Variants in TADA2A observed in about 807,000 individuals in gnomAD.
The protein encoded by TADA2A is transcriptional adaptor 2A.
TADA2A carries 38 observed loss-of-function variants against 67.4 expected under a neutral mutation model. That is an observed-to-expected ratio of 0.56 (90% CI 0.44 to 0.74). TADA2A has a LOEUF of 0.74. TADA2A is among the 30% of genes least tolerant of loss of function. TADA2A has a pLI of 0.00. For missense variants in TADA2A, 454 were observed against 547.0 expected (o/e 0.83, Z 1.70); for synonymous variants, 192 against 181.6 (o/e 1.06, Z -0.46).
intron 2 of TADA2A, among the ~76,000 whole-genome samples, chr17:37,418,292 A>G (rs952899740): frequency 2.6e-5 from 4 of 152,326 alleles, no homozygotes; most frequent in Admixed American, 2.6e-4. Flanking sequence ...AGGACACACA[A>G]AAAAGTCAAT....
chr17:37,414,421 G>A (rs543128791), intron 2 of TADA2A, among the ~76,000 whole-genome samples: 48 of 151,126 alleles, frequency 3.2e-4, no homozygotes, highest in Non-Finnish European at 5.9e-4. Flanking sequence ...AGTGCATCCT[G>A]TACTCCCCCC....
intron 4 of TADA2A, among the ~76,000 whole-genome samples, chr17:37,435,110 G>A (rs1056151517): frequency 2.6e-5 from 4 of 152,164 alleles, no homozygotes; most frequent in Non-Finnish European, 5.9e-5. Context: ...GCCAGGTGTG[G>A]TGGCACATGC....
chr17:37,467,225 C>A (rs915885874), intron 11 of TADA2A, among the ~76,000 whole-genome samples: 1 of 152,170 alleles, frequency 6.6e-6, no homozygotes, highest in African/African-American at 2.4e-5. Flanking sequence ...TTCTAGAAGA[C>A]AGTTCCAGCT....
rs1359092856 is a variant in TADA2A at position 37,423,622 on chromosome 17, C to T, written c.132+7C>T. 4 of 1,600,872 alleles carry T rather than the reference C, an allele frequency of 2.5e-6. No homozygotes were observed. Among genetic ancestry groups the T allele is most frequent in the Admixed American group, 1.7e-5 (1 of 57,476 alleles). On this transcript the variant is annotated splice_region_variant and intron_variant, in intron 3 of 15. Coordinates refer to ENST00000615182, the MANE Select transcript of TADA2A (RefSeq NM_001166105.3). ...TTTTTTCCTCTGCTTGCAGGTAACT[C>T]ACTAATGCTGGCTTCTCCTAGCCTA...
At position 37,476,903 on chromosome 17, in the gene TADA2A, C is replaced by G; in HGVS notation, c.1253C>G (p.Ala418Gly). 6.2e-7 allele frequency: 1 copy of G among 1,614,118 alleles called. No individual in the cohort carries two copies. The highest frequency in any genetic ancestry group is 2.2e-5 in the East Asian group (1 of 44,884). Residue 418 changes from alanine to glycine, a missense_variant, in exon 16 of 16, where the codon GCA becomes GGA. Ala to Gly is a moderately conservative substitution (Grantham distance 60). Transcript: ENST00000615182. ...QGGLRLAQAR[A>G]LIKIDVNKTR... ...GGCTTAAGACTGGCGCAGGCAAGAG[C>G]ACTCATCAAGATAGATGTGAACAAA...
rs1260995506 is a variant in TADA2A at position 37,442,195 on chromosome 17, C to T, written c.443-369C>T. Among the ~76,000 whole-genome samples the T allele has an allele frequency of 9.8e-5, 14 of 143,178 alleles. No individual in the cohort carries two copies. The South Asian group carries it at 2.0e-3, about 20-fold the overall frequency. 93.9% of individuals were successfully genotyped at this position (143,178 alleles called of 152,430 possible). On this transcript the variant is annotated intron_variant, in intron 6 of 15. Transcript: ENST00000615182. ...CCAATTCCAGTGTTTGTTTTTTTCC[C>T]GTCTTTTTTTTTTTTTTTTTTTTTT... is the stretch of plus-strand genomic sequence containing the variant.
intron 2 of TADA2A, among the ~76,000 whole-genome samples, chr17:37,418,579 T>C (rs796233923): frequency 3.9e-5 from 6 of 152,180 alleles, no homozygotes; most frequent in African/African-American, 9.6e-5. Context: ...ATGTATGATA[T>C]TCCACTTTTT....
chr17:37,473,311 C>T (rs531771681), intron 14 of TADA2A, among the ~76,000 whole-genome samples: 1 of 151,964 alleles, frequency 6.6e-6, no homozygotes, highest in South Asian at 2.1e-4. Flanking sequence ...GTTAGCCTTT[C>T]TCACCCCTTA....
At chr17:37,456,859 A>G (rs1242370970) in intron 8 of TADA2A, among the ~76,000 whole-genome samples, 3 of 152,058 alleles carry the variant, frequency 2.0e-5, no homozygotes, top group Admixed American at 6.5e-5. Flanking sequence ...GGCTAGGGAA[A>G]GAAAGAACCA....
At chr17:37,411,787 C>T (rs569117029) in intron 2 of TADA2A, among the ~76,000 whole-genome samples, 1 of 151,766 alleles carries the variant, frequency 6.6e-6, no homozygotes, top group South Asian at 2.1e-4. Flanking sequence ...GAAAAATAAA[C>T]GATGAAGTTA....
In TADA2A at chr17:37,433,718, C is replaced by T. The variant is rs188607341; in HGVS notation, c.193-4020C>T. Among the ~76,000 whole-genome samples, 1,079 of 151,786 alleles carry T rather than the reference C, an allele frequency of 7.1e-3. 16 individuals are homozygous for T. Among genetic ancestry groups the T allele is most frequent in the African/African-American group, 0.025 (1,026 of 41,362 alleles). The stretch of plus-strand genomic sequence containing the variant: ...CTGTAATCCCAGCATTTTGGGAGGC[C>T]GAGGTGGGCGGATTACTTGAGGTCG... On this transcript the variant is annotated intron_variant, in intron 4 of 15. Coordinates refer to ENST00000615182, the MANE Select transcript of TADA2A (RefSeq NM_001166105.3).
chr17:37,440,095 G>A (rs1021762281), intron 5 of TADA2A, among the ~76,000 whole-genome samples: 1 of 151,546 alleles, frequency 6.6e-6, no homozygotes, highest in Admixed American at 6.6e-5. Context: ...AGGCATGCAT[G>A]CACCACCACG....
At chr17:37,416,311 C>T (rs573085832) in intron 2 of TADA2A, among the ~76,000 whole-genome samples, 1 of 151,822 alleles carries the variant, frequency 6.6e-6, no homozygotes, top group African/African-American at 2.4e-5. Flanking sequence ...TAGAGATGGG[C>T]TTTCCTTCGT....
chr17:37,408,683 C>G (rs1209776484), intron 1 of TADA2A: 1 of 152,110 alleles, frequency 6.6e-6, no homozygotes, highest in African/African-American at 2.4e-5. Flanking sequence ...TCAAAGAATC[C>G]CCACACCTTG....
intron 5 of TADA2A, among the ~76,000 whole-genome samples, chr17:37,440,095 G>T (rs1021762281): frequency 6.6e-6 from 1 of 151,546 alleles, no homozygotes; most frequent in Non-Finnish European, 1.5e-5. Flanking sequence ...AGGCATGCAT[G>T]CACCACCACG....
At chr17:37,433,901 C>T (rs899089652) in intron 4 of TADA2A, among the ~76,000 whole-genome samples, 13 of 151,796 alleles carry the variant, frequency 8.6e-5, no homozygotes, top group Non-Finnish European at 1.6e-4. Flanking sequence ...TTGCGGTGAG[C>T]CGAGATCATG....
At chr17:37,467,735 A>C (rs1666860494) in intron 12 of TADA2A, among the ~76,000 whole-genome samples, 1 of 152,162 alleles carries the variant, frequency 6.6e-6, no homozygotes, top group Non-Finnish European at 1.5e-5. Context: ...TGTGAGACAA[A>C]GGAAAGAGAG....
At chr17:37,461,862 A>G (rs1441420014) in intron 9 of TADA2A, 1 of 489,092 alleles carries the variant, frequency 2.0e-6, no homozygotes, top group Non-Finnish European at 3.7e-6. Context: ...TGGAGAGTCT[A>G]CTATGCCCAA....
chr17:37,412,552 G>A (rs540614349), intron 2 of TADA2A, among the ~76,000 whole-genome samples: 2 of 152,246 alleles, frequency 1.3e-5, no homozygotes, highest in African/African-American at 2.4e-5. Context: ...TTGGGAGGTC[G>A]AGGTGGGTGG....
Sources: gnomAD v4.1 joint callset for allele counts (sites outside exome capture counted in the v4.1 genomes callset) on GRCh38, gnomAD v4.1.1 for gene constraint, MANE v1.5 for transcripts, NCBI Gene and HGNC (gene_info 2026-07-23, HGNC 2026-07-21) for gene names.